The following ASTN1 variants were observed in gnomAD, a reference collection of about 807,000 sequenced individuals.
The protein encoded by ASTN1 is astrotactin 1.
ASTN1 carries 41 observed loss-of-function variants against 140.7 expected under a neutral mutation model. The ratio of observed to expected loss-of-function variants is 0.29; its 90% confidence interval spans 0.23 to 0.38. The LOEUF is 0.38. Among genes scored for constraint, ASTN1 ranks in the 10% least tolerant of loss-of-function variants. ASTN1 has a pLI of 1.00. For missense variants in ASTN1, 1,479 were observed against 1,678.8 expected (o/e 0.88, Z 2.08); for synonymous variants, 640 against 652.2 (o/e 0.98, Z 0.29).
At chr1:177,164,259 G>A (rs1307690411) in intron 1 of ASTN1, 135 bp downstream of exon 1, 3 of 991,748 alleles carry the variant, frequency 3.0e-6, no homozygotes, top group African/African-American at 1.6e-5. Context: ...GAATGGTCCG[G>A]GAGTGGGGCG....
At position 176,957,715 on chromosome 1, in the gene ASTN1, C is replaced by T; in HGVS notation, c.1850G>A (p.Cys617Tyr). ...GGAGTCCAGCTTGCGATCTGAAATA[C>T]AGCGGAAATTCTTACTGCAGCCCCC... ...DNGGCSKNFR[C>Y]ISDRKLDSTG... Residue 617 changes from cysteine to tyrosine, a missense_variant, in exon 11 of 23, where the codon TGT becomes TAT. By Grantham distance (194) the Cys-to-Tyr change is radical. Transcript: ENST00000361833. 1 of 1,614,114 alleles carries T rather than the reference C, an allele frequency of 6.2e-7. No homozygotes were observed. Among genetic ancestry groups the T allele is most frequent in the Non-Finnish European group, 8.5e-7 (1 of 1,179,984 alleles).
chr1:176,924,024 C>T (rs1571516089), intron 16 of ASTN1, among the ~76,000 whole-genome samples: 1 of 152,168 alleles, frequency 6.6e-6, no homozygotes, highest in Non-Finnish European at 1.5e-5. Flanking sequence ...TATTTAGCCT[C>T]TAGCCATATG....
intron 4 of ASTN1, among the ~76,000 whole-genome samples, chr1:177,030,099 T>C (rs950229560): frequency 1.3e-5 from 2 of 152,214 alleles, no homozygotes; most frequent in African/African-American, 2.4e-5. Context: ...CTAAGAGGTA[T>C]AGGAAATTAC....
Position 177,066,349 on chromosome 1 carries a change from A to G in ASTN1, c.284-5084T>C, listed in dbSNP as rs140177958. 2.1e-3 allele frequency among the ~76,000 whole-genome samples: 323 copies of G among 152,346 alleles called. 2 individuals are homozygous for G. Among genetic ancestry groups the G allele is most frequent in the African/African-American group, 7.2e-3 (301 of 41,582 alleles). On this transcript the variant is annotated intron_variant, in intron 1 of 22. Transcript: ENST00000361833. ...CTGCATGCAATACAGAATTGGAATA[A>G]TGAGATCTTGGGCAGGGAAAGTCAC...
chr1:176,909,101 T>C (rs1287252627), intron 16 of ASTN1, among the ~76,000 whole-genome samples: 1 of 152,192 alleles, frequency 6.6e-6, no homozygotes, highest in Admixed American at 6.5e-5. Context: ...GAAGAAGTCT[T>C]CACCCAGTCC....
At chr1:176,922,191 A>C (rs1269903800) in intron 16 of ASTN1, among the ~76,000 whole-genome samples, 1 of 152,232 alleles carries the variant, frequency 6.6e-6, no homozygotes, top group Admixed American at 6.5e-5. Context: ...TACTAATGTT[A>C]TCTCTCAGCC....
At chr1:176,987,598 C>T (rs1433783324) in intron 8 of ASTN1, among the ~76,000 whole-genome samples, 1 of 152,210 alleles carries the variant, frequency 6.6e-6, no homozygotes, top group Non-Finnish European at 1.5e-5. Context: ...ATCCATTGCC[C>T]TGTCATGCCC....
intron 2 of ASTN1, among the ~76,000 whole-genome samples, chr1:177,037,896 T>C (rs1676800274): frequency 6.6e-6 from 1 of 152,226 alleles, no homozygotes; most frequent in East Asian, 1.9e-4. Flanking sequence ...CTGGCTGTAA[T>C]AGATACCACA....
At chr1:177,089,689 C>G (rs1679647462) in intron 1 of ASTN1, among the ~76,000 whole-genome samples, 1 of 152,104 alleles carries the variant, frequency 6.6e-6, no homozygotes, top group South Asian at 2.1e-4. Flanking sequence ...GCCCCAGCCC[C>G]TAGCCTGCCC....
intron 2 of ASTN1, among the ~76,000 whole-genome samples, chr1:177,036,443 G>A (rs899276628): frequency 6.6e-6 from 1 of 152,166 alleles, no homozygotes; most frequent in Non-Finnish European, 1.5e-5. Context: ...AGGTACTCAA[G>A]TTGTGGTATG....
intron 1 of ASTN1, among the ~76,000 whole-genome samples, chr1:177,160,095 CT>C (rs1647269864): frequency 6.6e-6 from 1 of 152,112 alleles, no homozygotes. Flanking sequence ...TTCAGGGCTC[CT>C]TTTGTTCAAC....
At chr1:176,972,143 A>G (rs1483884780) in intron 8 of ASTN1, among the ~76,000 whole-genome samples, 2 of 152,260 alleles carry the variant, frequency 1.3e-5, no homozygotes, top group African/African-American at 2.4e-5. Flanking sequence ...GAAAAGGTAC[A>G]GTAAAAATAT....
At chr1:177,164,239 T>C (rs1647565399) in intron 1 of ASTN1, among the ~76,000 whole-genome samples, 155 bp downstream of exon 1, 1 of 142,082 alleles carries the variant, frequency 7.0e-6, no homozygotes, top group African/African-American at 2.6e-5. Flanking sequence ...AGTATGCAAG[T>C]GGGTGTGGAG....
At chr1:176,979,620 C>T (rs1241525813) in intron 8 of ASTN1, among the ~76,000 whole-genome samples, 3 of 152,142 alleles carry the variant, frequency 2.0e-5, no homozygotes, top group African/African-American at 7.2e-5. Context: ...GGCAGGGACC[C>T]TGTGAGCCTT....
Position 177,122,294 on chromosome 1 carries a change from C to G in ASTN1, c.283+42100G>C, listed in dbSNP as rs1212037333. Among the ~76,000 whole-genome samples, 3 of 152,240 alleles carry G rather than the reference C, an allele frequency of 2.0e-5. No homozygotes were observed. In the East Asian group the frequency reaches 5.8e-4, roughly 29 times the overall value. The stretch of plus-strand genomic sequence containing the variant: ...AGAAGTGACAGGAGCCATGTCTTGC[C>G]TGTTCTTCAAGAGGCAGAGCACGAT... On this transcript the variant is annotated intron_variant, in intron 1 of 22. Coordinates refer to ENST00000361833, the MANE Select transcript of ASTN1 (RefSeq NM_004319.3).
intron 8 of ASTN1, among the ~76,000 whole-genome samples, chr1:176,983,364 A>G (rs1002689135): frequency 4.6e-5 from 7 of 152,126 alleles, no homozygotes; most frequent in African/African-American, 1.2e-4. Context: ...AATTATCACA[A>G]GTTTCTCAAT....
chr1:177,083,491 T>C (rs1448256423), intron 1 of ASTN1, among the ~76,000 whole-genome samples: 2 of 152,248 alleles, frequency 1.3e-5, no homozygotes, highest in South Asian at 4.2e-4. Flanking sequence ...AAAATGTTGA[T>C]TTTAGGCTTT....
chr1:177,069,342 G>GT (rs929960702), intron 1 of ASTN1, among the ~76,000 whole-genome samples: 1 of 152,154 alleles, frequency 6.6e-6, no homozygotes, highest in African/African-American at 2.4e-5. Flanking sequence ...AATCTGCAAT[G>GT]TTAACTTCTT....
At chr1:177,109,553 T>C (rs576598708) in intron 1 of ASTN1, among the ~76,000 whole-genome samples, 88 of 152,156 alleles carry the variant, frequency 5.8e-4, no homozygotes, top group Non-Finnish European at 9.9e-4. Flanking sequence ...CTGTGGCCCT[T>C]AGCAGTATAT....
Sources: allele counts gnomAD v4.1 joint callset (sites outside exome capture counted in the v4.1 genomes callset), GRCh38; gene constraint gnomAD v4.1.1; transcripts MANE v1.5; gene names NCBI Gene and HGNC (gene_info 2026-07-23, HGNC 2026-07-21).